Variants in CNTN5 observed in about 807,000 individuals in gnomAD.
The protein encoded by CNTN5 is contactin-5.
Under a neutral mutation model 129.1 loss-of-function variants are expected in CNTN5, and 77 were observed. The observed-to-expected ratio is 0.60, with a 90% CI of 0.50 to 0.72. CNTN5 has a LOEUF of 0.72. Ranked by LOEUF, CNTN5 falls within the 30% of genes least tolerant of loss-of-function variation. The pLI, the probability that CNTN5 is intolerant of heterozygous loss-of-function variation, is 0.00. For missense variants in CNTN5, 1,478 were observed against 1,328.8 expected, an observed-to-expected ratio of 1.11 and a Z score of -1.75; for synonymous variants, 509 against 465.6, an observed-to-expected ratio of 1.09 and a Z score of -1.20.
chr11:99,283,097 A>G (rs918214253), intron 1 of CNTN5, among the ~76,000 whole-genome samples: 2 of 152,114 alleles, frequency 1.3e-5, no homozygotes, highest in African/African-American at 4.8e-5. Flanking sequence ...GAAATAGTCC[A>G]TTGGTCCTTT....
At chr11:99,271,294 CG>C (rs1382494634) in intron 1 of CNTN5, among the ~76,000 whole-genome samples, 1 of 151,754 alleles carries the variant, frequency 6.6e-6, no homozygotes, top group Non-Finnish European at 1.5e-5. Flanking sequence ...AAAACACGCA[CG>C]GTAATTAAAA....
At chr11:99,234,653 A>C (rs1365262928) in intron 1 of CNTN5, among the ~76,000 whole-genome samples, 3 of 152,132 alleles carry the variant, frequency 2.0e-5, no homozygotes, top group African/African-American at 7.2e-5. Flanking sequence ...TTATGTGCCT[A>C]ATAAATAATC....
intron 13 of CNTN5, among the ~76,000 whole-genome samples, chr11:100,096,787 A>G (rs1052020305): frequency 6.6e-6 from 1 of 152,142 alleles, no homozygotes; most frequent in Non-Finnish European, 1.5e-5. Context: ...CTGGGGACCA[A>G]TAATTCCCTG....
At chr11:99,151,047 G>A (rs993575592) in intron 1 of CNTN5, among the ~76,000 whole-genome samples, 10 of 152,066 alleles carry the variant, frequency 6.6e-5, no homozygotes, top group Admixed American at 3.3e-4. Flanking sequence ...CTCAGAAAAC[G>A]GGATCAGGGT....
intron 3 of CNTN5, among the ~76,000 whole-genome samples, chr11:99,675,401 G>A (rs1953232665): frequency 6.6e-6 from 1 of 152,146 alleles, no homozygotes; most frequent in Non-Finnish European, 1.5e-5. Flanking sequence ...AAAAAATGCA[G>A]GCTGGGTGCG....
In CNTN5 at chr11:100,350,686, T is replaced by C. The variant is rs746678919; in HGVS notation, c.3031-16T>C. On this transcript the variant is annotated splice_polypyrimidine_tract_variant and intron_variant, in intron 23 of 24. Transcript: ENST00000524871. ...ATCTTTCATATCAAATGTCTAAACC[T>C]TGTTATTACTCTCAGGTTTTTTATA... is the stretch of plus-strand genomic sequence containing the variant. 7 of 1,591,602 alleles carry C rather than the reference T, an allele frequency of 4.4e-6. No homozygotes were observed.
chr11:99,901,999 T>C (rs1029555039), intron 6 of CNTN5, among the ~76,000 whole-genome samples: 19 of 152,152 alleles, frequency 1.2e-4, no homozygotes, highest in Non-Finnish European at 2.2e-4. Context: ...TAAGGTTACA[T>C]GGTTAATAAG....
chr11:100,304,223 T>C (rs1227677542), intron 20 of CNTN5, among the ~76,000 whole-genome samples: 4 of 151,630 alleles, frequency 2.6e-5, no homozygotes, highest in Non-Finnish European at 4.4e-5. Context: ...GTGAAGGAGT[T>C]AGCCATGGCC....
chr11:100,315,878 GAAATGTCTAGCT>G (rs1486624570), intron 21 of CNTN5, among the ~76,000 whole-genome samples: 1 of 152,126 alleles, frequency 6.6e-6, no homozygotes, highest in African/African-American at 2.4e-5. Context: ...TGAGATATGT[GAAATGTCTAGCT>G]TATGATATGC....
Position 100,282,803 on chromosome 11 carries a change from ACAGTCCTTCC to A in CNTN5, c.2314+11565_2314+11574del, listed in dbSNP as rs1950667604. 2.0e-5 allele frequency among the ~76,000 whole-genome samples: 3 copies of A among 152,342 alleles called. No homozygotes were observed. The South Asian group carries it at 6.2e-4, about 32-fold the overall frequency. On this transcript the variant is annotated intron_variant, in intron 18 of 24. Coordinates refer to ENST00000524871, the MANE Select transcript of CNTN5 (RefSeq NM_014361.4). ...TGAGTTGACACTCAAACCACAAGGC[ACAGTCCTTCC>A]CATTCTTCCCTCTCCTTTCCAAAGG...
chr11:99,194,997 C>T (rs1235471487), intron 1 of CNTN5, among the ~76,000 whole-genome samples: 1 of 152,072 alleles, frequency 6.6e-6, no homozygotes, highest in Non-Finnish European at 1.5e-5. Context: ...GAATTTACAG[C>T]CCCCAATGAT....
intron 13 of CNTN5, among the ~76,000 whole-genome samples, chr11:100,123,995 C>T (rs1183721017): frequency 6.6e-6 from 1 of 151,940 alleles, no homozygotes; most frequent in Non-Finnish European, 1.5e-5. Context: ...ATCAAATGGG[C>T]TTATAAACCA....
At chr11:100,108,072 T>C (rs1284880991) in intron 13 of CNTN5, among the ~76,000 whole-genome samples, 2 of 151,092 alleles carry the variant, frequency 1.3e-5, no homozygotes, top group South Asian at 4.2e-4. Flanking sequence ...AGTAGAAGAC[T>C]TGTGTATAAA....
At chr11:100,036,125 A>G (rs1170692507) in intron 9 of CNTN5, among the ~76,000 whole-genome samples, 2 of 152,102 alleles carry the variant, frequency 1.3e-5, no homozygotes, top group East Asian at 1.9e-4. Flanking sequence ...TCTTTAATCC[A>G]TCTTGAATTA....
intron 3 of CNTN5, among the ~76,000 whole-genome samples, chr11:99,665,478 A>ATTTTTTTTT (rs34435537): frequency 1.5e-5 from 1 of 65,920 alleles, no homozygotes; most frequent in African/African-American, 5.1e-5. Flanking sequence ...TGAAACTACA[A>ATTTTTTTTT]TTTTTTTTTT....
intron 1 of CNTN5, among the ~76,000 whole-genome samples, chr11:99,252,154 A>G (rs528994148): frequency 9.2e-5 from 14 of 152,000 alleles, no homozygotes; most frequent in African/African-American, 3.4e-4. Context: ...TCTTCCACTG[A>G]TAACTTCATA....
chr11:99,472,704 G>C (rs2406930), intron 2 of CNTN5, among the ~76,000 whole-genome samples: 22,806 of 151,660 alleles, frequency 0.15, 2,025 homozygotes, highest in East Asian at 0.4. Context: ...AGTCTCACTC[G>C]GTTGCCCAGG....
At chr11:100,152,895 G>A (rs540522300) in intron 13 of CNTN5, among the ~76,000 whole-genome samples, 2 of 152,162 alleles carry the variant, frequency 1.3e-5, no homozygotes, top group South Asian at 4.1e-4. Context: ...CAGAGCTTAA[G>A]GGTGAGAGCC....
chr11:99,143,223 C>A (rs904486676), intron 1 of CNTN5, among the ~76,000 whole-genome samples: 3 of 151,214 alleles, frequency 2.0e-5, no homozygotes, highest in African/African-American at 7.3e-5. Flanking sequence ...AAACACTCTA[C>A]ATAGAAAACA....
Sources: gnomAD v4.1 joint callset for allele counts (sites outside exome capture counted in the v4.1 genomes callset) on GRCh38, gnomAD v4.1.1 for gene constraint, MANE v1.5 for transcripts, NCBI Gene and HGNC (gene_info 2026-07-23, HGNC 2026-07-21) for gene names.